CSMD3: variants seen among roughly 807,000 people sequenced by gnomAD.
The protein encoded by CSMD3 is CUB and sushi domain-containing protein 3.
A neutral mutation model predicts 435.2 loss-of-function variants in CSMD3; 177 were observed. That is an observed-to-expected ratio of 0.41 (90% CI 0.36 to 0.46). The LOEUF (loss-of-function observed/expected upper bound fraction) is 0.46. Ranked by LOEUF, CSMD3 falls within the 20% of genes least tolerant of loss-of-function variation. CSMD3 has a pLI of 0.34. For synonymous variants in CSMD3, 1,656 were observed against 1,520.5 expected (o/e 1.09, Z -2.07); for missense variants, 4,265 against 4,504.6 (o/e 0.95, Z 1.52).
At chr8:112,495,886 T>C (rs1053907273) in intron 30 of CSMD3, among the ~76,000 whole-genome samples, 2 of 151,632 alleles carry the variant, frequency 1.3e-5, no homozygotes, top group Non-Finnish European at 2.9e-5. Flanking sequence ...AGTTTTCTTT[T>C]AAAATTATTT....
chr8:112,911,273 G>GC (rs67627804), intron 10 of CSMD3, among the ~76,000 whole-genome samples: 128,096 of 151,796 alleles, frequency 0.84, 54,248 homozygotes, highest in East Asian at 0.93. Context: ...AATATCTCCA[G>GC]CTTATTAAGA....
At chr8:112,448,040 C>T (rs7824183) in intron 32 of CSMD3, among the ~76,000 whole-genome samples, 30,846 of 152,044 alleles carry the variant, frequency 0.2, 3,815 homozygotes, top group East Asian at 0.39. Flanking sequence ...TTAGCTCAGG[C>T]TGCCATACAA....
chr8:113,208,753 A>G (rs913789042), intron 3 of CSMD3, among the ~76,000 whole-genome samples: 1 of 152,046 alleles, frequency 6.6e-6, no homozygotes, highest in African/African-American at 2.4e-5. Context: ...ATAAGTGTAT[A>G]TATATTTTGT....
chr8:112,635,864 G>C (rs1484170617), intron 22 of CSMD3, among the ~76,000 whole-genome samples: 1 of 151,838 alleles, frequency 6.6e-6, no homozygotes, highest in Non-Finnish European at 1.5e-5. Context: ...AAAGAGCAGG[G>C]GCTTAAACCA....
intron 5 of CSMD3, among the ~76,000 whole-genome samples, chr8:113,037,525 C>G (rs1217569516): frequency 6.6e-6 from 1 of 151,958 alleles, no homozygotes; most frequent in East Asian, 1.9e-4. Flanking sequence ...CAAGCAAAAT[C>G]TGGTCTATTT....
intron 13 of CSMD3, among the ~76,000 whole-genome samples, chr8:112,745,408 T>A (rs1404347366): frequency 6.6e-6 from 1 of 152,090 alleles, no homozygotes; most frequent in African/African-American, 2.4e-5. Flanking sequence ...ATTTTAAGTA[T>A]TTTTTCAAAT....
At chr8:112,561,774 C>A (rs774854902) in intron 24 of CSMD3, among the ~76,000 whole-genome samples, 34 of 151,510 alleles carry the variant, frequency 2.2e-4, no homozygotes, top group Non-Finnish European at 4.4e-4. Context: ...TAGTGTTTTG[C>A]AAGTGTTCAT....
intron 2 of CSMD3, chr8:113,309,415 A>G (rs2093849860): frequency 6.6e-6 from 1 of 152,000 alleles, no homozygotes; most frequent in Admixed American, 6.6e-5. Flanking sequence ...CCCAGTGTCT[A>G]TTGTTGCCAT....
At chr8:113,033,791 T>C (rs1328041403) in intron 5 of CSMD3, among the ~76,000 whole-genome samples, 1 of 151,286 alleles carries the variant, frequency 6.6e-6, no homozygotes, top group African/African-American at 2.4e-5. Flanking sequence ...ATAATATTAT[T>C]TGGCTCTGTA....
At chr8:112,883,429 G>A (rs1279578438) in intron 10 of CSMD3, among the ~76,000 whole-genome samples, 2 of 151,936 alleles carry the variant, frequency 1.3e-5, no homozygotes, top group Admixed American at 1.3e-4. Context: ...GGACATGATG[G>A]CAGTGAACCA....
At chr8:113,109,678 C>T (rs748002599) in intron 4 of CSMD3, among the ~76,000 whole-genome samples, 8 of 152,154 alleles carry the variant, frequency 5.3e-5, no homozygotes, top group East Asian at 1.9e-4. Context: ...ATCTTCAAAT[C>T]GGCTCTGTGC....
intron 22 of CSMD3, among the ~76,000 whole-genome samples, chr8:112,611,319 G>T (rs1011046411): frequency 2.6e-5 from 4 of 151,986 alleles, no homozygotes; most frequent in African/African-American, 9.7e-5. Flanking sequence ...TTTCTTATAG[G>T]TATCATGGAG....
intron 13 of CSMD3, among the ~76,000 whole-genome samples, chr8:112,768,236 T>C (rs1326512913): frequency 6.6e-6 from 1 of 151,688 alleles, no homozygotes; most frequent in Non-Finnish European, 1.5e-5. Flanking sequence ...TAATAAAGAT[T>C]TAATAAATAT....
At chr8:112,947,006 A>G (rs891455454) in intron 9 of CSMD3, among the ~76,000 whole-genome samples, 2 of 151,698 alleles carry the variant, frequency 1.3e-5, no homozygotes, top group Non-Finnish European at 1.5e-5. Context: ...AAAATAAAAA[A>G]TATGTGGTAT....
chr8:112,375,731 C>A (rs1828879602), intron 38 of CSMD3, among the ~76,000 whole-genome samples: 2 of 151,966 alleles, frequency 1.3e-5, no homozygotes, highest in Non-Finnish European at 2.9e-5. Flanking sequence ...AAAAGTTGTA[C>A]ACAAGAATCT....
intron 1 of CSMD3, among the ~76,000 whole-genome samples, chr8:113,345,114 A>G (rs2094143451): frequency 1.3e-5 from 2 of 152,140 alleles, no homozygotes; most frequent in South Asian, 4.1e-4. Context: ...CACAGAAAGC[A>G]TAATACTTAC....
chr8:113,386,558 T>C (rs1237855874), intron 1 of CSMD3, among the ~76,000 whole-genome samples: 1 of 151,808 alleles, frequency 6.6e-6, no homozygotes, highest in African/African-American at 2.4e-5. Flanking sequence ...GATCTCTCTC[T>C]CTCTCTCTGT....
At chr8:113,078,086 AAAC>A (rs2131438522) in intron 5 of CSMD3, among the ~76,000 whole-genome samples, 1 of 152,296 alleles carries the variant, frequency 6.6e-6, no homozygotes, top group Non-Finnish European at 1.5e-5. Context: ...AAATCAGGCT[AAAC>A]AACAAATTAT....
chr8:112,827,646 T>C (rs1017592361), intron 12 of CSMD3, among the ~76,000 whole-genome samples: 1 of 152,188 alleles, frequency 6.6e-6, no homozygotes, highest in Non-Finnish European at 1.5e-5. Context: ...TCCAAGAAAC[T>C]TCAGTGTTTA....
Sources: gnomAD v4.1 joint callset for allele counts (sites outside exome capture counted in the v4.1 genomes callset) on GRCh38, gnomAD v4.1.1 for gene constraint, MANE v1.5 for transcripts, NCBI Gene and HGNC (gene_info 2026-07-23, HGNC 2026-07-21) for gene names.